The following OR6K3 variants were observed in gnomAD, a reference collection of about 807,000 sequenced individuals.
OR6K3 encodes the protein olfactory receptor family 6 subfamily K member 3, also known as olfactory receptor 6K3.
For synonymous variants in OR6K3, 169 were observed against 137.7 expected, an observed-to-expected ratio of 1.23 and a Z score of -1.59; for missense variants, 396 against 382.5, an observed-to-expected ratio of 1.04 and a Z score of -0.29.
chr1:158,716,858 C>T lies in OR6K3; in HGVS notation c.*310G>A. On this transcript the variant is annotated 3_prime_UTR_variant, in exon 2 of 2. Coordinates refer to ENST00000368145, the MANE Select transcript of OR6K3 (RefSeq NM_001005327.3). ...AAGGGCCAGATGCGGTGGCTCACAG[C>T]TGTAATCCCAGCATTTTGGGAGGCA... 1 of 261,584 alleles carries T rather than the reference C, an allele frequency of 3.8e-6. No individual in the cohort carries two copies. Among genetic ancestry groups the T allele is most frequent in the Non-Finnish European group, 7.4e-6 (1 of 136,032 alleles). The allele number at this position is 261,584 out of a possible 1,614,324, so 16.2% of individuals were successfully genotyped here.
Position 158,717,400 on chromosome 1 carries a change from G to T in OR6K3, c.716C>A (p.Thr239Asn). The change falls in exon 2 of 2, where the codon ACC becomes AAC. Residue 239 changes from threonine (T) to asparagine (N), a missense_variant. Thr to Asn is a moderately conservative substitution (Grantham distance 65). Coordinates refer to ENST00000368145, the MANE Select transcript of OR6K3 (RefSeq NM_001005327.3). Reference protein sequence around the residue: ...SSEGRQKAFSTCAGHLMVFPI... With the variant: ...SSEGRQKAFSNCAGHLMVFPI... ...GAAGACCATGAGGTGGCCTGCACAG[G>T]TAGAAAAAGCCTTTTGCCTCCCTTC... is the stretch of plus-strand genomic sequence containing the variant. 6.2e-7 allele frequency: 1 copy of T among 1,613,686 alleles called. No homozygotes were observed. The highest frequency in any genetic ancestry group is 8.5e-7 in the Non-Finnish European group (1 of 1,179,764).
rs532807518 is a variant in OR6K3 at position 158,716,402 on chromosome 1, A to T, written c.*766T>A. ...GGTAACTACATAACTAAAAATAAAG[A>T]TATAACTTAATTAAATGTTGTTTGG... On this transcript the variant is annotated 3_prime_UTR_variant, in exon 2 of 2. Transcript: ENST00000368145. 1 of 152,234 alleles carries T rather than the reference A, an allele frequency of 6.6e-6. No homozygotes were observed. Among genetic ancestry groups the T allele is most frequent in the African/African-American group, 2.4e-5 (1 of 41,572 alleles). 9.4% of individuals were successfully genotyped at this position (152,234 alleles called of 1,614,324 possible).
upstream of OR6K3, among the ~76,000 whole-genome samples, chr1:158,721,744 A>G (rs1656287494): frequency 6.6e-6 from 1 of 151,690 alleles, no homozygotes; most frequent in Non-Finnish European, 1.5e-5. Flanking sequence ...TGTAATATCT[A>G]TTAATACATT....
rs138132278 is a variant in OR6K3 at position 158,717,887 on chromosome 1, T to C, written c.229A>G (p.Thr77Ala). The C allele has an allele frequency of 2.5e-6, 4 of 1,613,612 alleles. No homozygotes were observed. The African/African-American group carries it at 5.3e-5, about 22-fold the overall frequency. ...AGGTTGGAGAGCATCTTGGGAATGG[T>C]GGCTGTGGTGTACCAGATCTCCAGA... ...SFLEIWYTTA[T>A]IPKMLSNLIS... Residue 77 changes from threonine (T) to alanine (A), a missense_variant, in exon 2 of 2, where the codon ACC (threonine) becomes GCC (alanine). By Grantham distance (58) the Thr-to-Ala change is moderately conservative. Transcript: ENST00000368145.
upstream of OR6K3, among the ~76,000 whole-genome samples, chr1:158,723,261 T>C (rs1022051302): frequency 8.4e-5 from 8 of 95,320 alleles, no homozygotes; most frequent in Non-Finnish European, 4.8e-5. Context: ...ATCTATCACT[T>C]TGGAATGTGC....
rs910887008 is a variant in OR6K3 at position 158,718,142 on chromosome 1, G to C, written c.-17-10C>G. On this transcript the variant is annotated splice_polypyrimidine_tract_variant and intron_variant, in intron 1 of 1. Coordinates refer to ENST00000368145, the MANE Select transcript of OR6K3 (RefSeq NM_001005327.3). ...TTTCTAGTAGAGCTACCTGTAAATG[G>C]AGAGGGCATAGTCCAGCACATGAGA... The C allele has an allele frequency of 2.1e-6, 3 of 1,427,776 alleles. No homozygotes were observed. The highest frequency in any genetic ancestry group is 2.9e-6 in the Non-Finnish European group (3 of 1,019,742). 88.4% of individuals were successfully genotyped at this position (1,427,776 alleles called of 1,614,324 possible).
chr1:158,717,864 G>A lies in OR6K3; in HGVS notation c.252C>T (p.Asn84=), dbSNP rs1342351172. The A allele has an allele frequency of 1.7e-5, 28 of 1,613,664 alleles. No individual in the cohort carries two copies. Among genetic ancestry groups the A allele is most frequent in the Non-Finnish European group, 2.4e-5 (28 of 1,179,790 alleles). ...TTATIPKMLS[N]LISEKKAISM... is the part of the protein sequence containing the mutation. ...AGATGGCCTTCTTTTCACTGATGAG[G>A]TTGGAGAGCATCTTGGGAATGGTGG... The change falls in exon 2 of 2, where the codon AAC becomes AAT. Residue 84 remains asparagine (N), a synonymous_variant. Transcript: ENST00000368145.
At chr1:158,720,522 T>C (rs1014263212) in intron 1 of OR6K3, among the ~76,000 whole-genome samples, 161 bp downstream of exon 1, 3 of 152,000 alleles carry the variant, frequency 2.0e-5, no homozygotes, top group Non-Finnish European at 4.4e-5. Context: ...AGAACCACAC[T>C]GAACAGAGCT....
Position 158,717,012 on chromosome 1 carries a change from G to A in OR6K3, c.*156C>T, listed in dbSNP as rs762110465. On this transcript the variant is annotated 3_prime_UTR_variant, in exon 2 of 2. Transcript: ENST00000368145. ...GCATGCCTGTAATCGCGGCTACTAG[G>A]GAGGCTGAGGCAGGAGAATTGTTCA... 10 of 622,808 alleles carry A rather than the reference G, an allele frequency of 1.6e-5. No homozygotes were observed. Among genetic ancestry groups the A allele is most frequent in the Non-Finnish European group, 2.3e-5 (8 of 344,964 alleles). 38.6% of individuals were successfully genotyped at this position (622,808 alleles called of 1,614,324 possible).
upstream of OR6K3, among the ~76,000 whole-genome samples, chr1:158,723,138 C>A (rs1249151070): frequency 1.3e-5 from 2 of 151,862 alleles, no homozygotes; most frequent in African/African-American, 4.8e-5. Flanking sequence ...AAATTAATTT[C>A]TAGTGGCAAT....
chr1:158,717,682 G>A lies in OR6K3; in HGVS notation c.434C>T (p.Ser145Phe), dbSNP rs1656186954. The change falls in exon 2 of 2, where the codon TCT becomes TTT. Residue 145 changes from serine to phenylalanine, a missense_variant. Coordinates refer to ENST00000368145, the MANE Select transcript of OR6K3 (RefSeq NM_001005327.3). Reference protein sequence around the residue: ...IMTPRLCAQLSAGSCLFGFLI... With the variant: ...IMTPRLCAQLFAGSCLFGFLI... ...GAAACCGAAGAGGCAGGAACCTGCA[G>A]AGAGTTGAGCACAGAGCCGGGGGGT... 2 of 1,613,862 alleles carry A rather than the reference G, an allele frequency of 1.2e-6. No homozygotes were observed. Among genetic ancestry groups the A allele is most frequent in the South Asian group, 1.1e-5 (1 of 91,076 alleles).
At position 158,717,057 on chromosome 1, in the gene OR6K3, G is replaced by T; in HGVS notation, c.*111C>A. On this transcript the variant is annotated 3_prime_UTR_variant, in exon 2 of 2. Coordinates refer to ENST00000368145, the MANE Select transcript of OR6K3 (RefSeq NM_001005327.3). ...TGTTCAAAACCAGGAGGTGGAGGTT[G>T]CAGTGAGCCAAGATCATGCCATTGC... 1.3e-6 allele frequency: 1 copy of T among 743,698 alleles called. No homozygotes were observed. The highest frequency in any genetic ancestry group is 2.3e-6 in the Non-Finnish European group (1 of 431,852). 46.1% of individuals were successfully genotyped at this position (743,698 alleles called of 1,614,324 possible).
rs1312968504 is a variant in OR6K3, at chr1:158,718,110, C to G, written c.6G>C (p.Glu2Asp). ...CAGTCACTGTTGATTGGTTTCCGCT[C>G]TCCATATTTCTAGTAGAGCTACCTG... MESGNQSTVTEF... is the reference protein window; with the variant it reads MDSGNQSTVTEF... The change falls in exon 2 of 2, where the codon GAG (glutamate) becomes GAC (aspartate). Residue 2 changes from glutamate to aspartate, a missense_variant. Glu to Asp is a conservative substitution (Grantham distance 45, BLOSUM62 2). Transcript: ENST00000368145. The G allele has an allele frequency of 6.2e-7, 1 of 1,601,262 alleles. No individual in the cohort carries two copies. The highest frequency in any genetic ancestry group is 1.1e-5 in the South Asian group (1 of 90,088).
intron 1 of OR6K3, among the ~76,000 whole-genome samples, chr1:158,719,160 G>T (rs539673919): frequency 6.6e-6 from 1 of 151,154 alleles, no homozygotes; most frequent in Non-Finnish European, 1.5e-5. Context: ...AGCTTTAAAG[G>T]CAGTTCTAGC....
At chr1:158,718,958 C>T (rs757939941) in intron 1 of OR6K3, among the ~76,000 whole-genome samples, 19 of 152,112 alleles carry the variant, frequency 1.2e-4, no homozygotes, top group Middle Eastern at 3.4e-3. Context: ...TTCTTGTTCT[C>T]CTTTAACACT....
At chr1:158,720,553 C>G (rs1156512968) in intron 1 of OR6K3, 130 bp downstream of exon 1, 1 of 152,000 alleles carries the variant, frequency 6.6e-6, no homozygotes, top group African/African-American at 2.4e-5. Context: ...AATACCTTTG[C>G]CTTCCACCCT....
rs1274940334 is a variant in OR6K3 at position 158,716,814 on chromosome 1, C to T, written c.*354G>A. On this transcript the variant is annotated 3_prime_UTR_variant, in exon 2 of 2. Coordinates refer to ENST00000368145, the MANE Select transcript of OR6K3 (RefSeq NM_001005327.3). ...TAATCTCATGTTCTAATATGTTAGA[C>T]AAACATTAAAGCAATGGAAAGGGCC... is the stretch of plus-strand genomic sequence containing the variant. 1 of 200,498 alleles carries T rather than the reference C, an allele frequency of 5.0e-6. No homozygotes were observed. The highest frequency in any genetic ancestry group is 5.3e-5 in the Admixed American group (1 of 18,966). 12.4% of individuals were successfully genotyped at this position (200,498 alleles called of 1,614,324 possible). A position where few individuals can be genotyped will look rare whatever the true frequency, so the allele number is the denominator to read the frequency against.
upstream of OR6K3, among the ~76,000 whole-genome samples, chr1:158,723,246 T>TATCTATCTATC (rs1322628798): frequency 6.6e-6 from 1 of 151,936 alleles, no homozygotes; most frequent in Non-Finnish European, 1.5e-5. Flanking sequence ...TCTATCTATC[T>TATCTATCTATC]ATCTATCTAT....
Position 158,717,281 on chromosome 1 carries a change from C to T in OR6K3, c.835G>A (p.Val279Ile). The change falls in exon 2 of 2, where the codon GTA (valine) becomes ATA (isoleucine). Residue 279 changes from valine to isoleucine, a missense_variant. Transcript: ENST00000368145. ...LDTAIALMFT[V>I]LAPFFNPIIY... is the part of the protein sequence containing the mutation. ...ATGGGATTGAAGAATGGAGCAAGTA[C>T]AGTAAACATCAGTGCAATGGCTGTG... is the stretch of plus-strand genomic sequence containing the variant. 3 of 1,613,602 alleles carry T rather than the reference C, an allele frequency of 1.9e-6. No homozygotes were observed. Among genetic ancestry groups the T allele is most frequent in the Non-Finnish European group, 2.5e-6 (3 of 1,179,694 alleles).
Sources: allele counts gnomAD v4.1 joint callset (sites outside exome capture counted in the v4.1 genomes callset), GRCh38; gene constraint gnomAD v4.1.1; transcripts MANE v1.5; gene names NCBI Gene and HGNC (gene_info 2026-07-23, HGNC 2026-07-21).